Variants in RAB31 observed in about 807,000 individuals in gnomAD.
RAB31 encodes RAB31, member RAS oncogene family, also known as ras-related protein Rab-31.
Under a neutral mutation model 25.6 loss-of-function variants are expected in RAB31, and 21 were observed. That is an observed-to-expected ratio of 0.82 (90% CI 0.58 to 1.18). The LOEUF (loss-of-function observed/expected upper bound fraction) is 1.18. Ranked by LOEUF, RAB31 falls within the 50% of genes most tolerant of loss-of-function variation. The pLI, the probability that RAB31 is intolerant of heterozygous loss-of-function variation, is 0.00. For synonymous variants in RAB31, 87 were observed against 84.0 expected, an observed-to-expected ratio of 1.04 and a Z score of -0.20; for missense variants, 196 against 250.1, an observed-to-expected ratio of 0.78 and a Z score of 1.46.
At chr18:9,823,963 G>T (rs902305112) in intron 5 of RAB31, among the ~76,000 whole-genome samples, 2 of 152,194 alleles carry the variant, frequency 1.3e-5, no homozygotes, top group African/African-American at 4.8e-5. Flanking sequence ...ACGTTTCTAT[G>T]GTGGGGGAAT....
intron 5 of RAB31, among the ~76,000 whole-genome samples, chr18:9,819,811 T>C (rs888035885): frequency 6.6e-6 from 1 of 152,094 alleles, no homozygotes; most frequent in Non-Finnish European, 1.5e-5. Flanking sequence ...CTGTATTTGA[T>C]TTTTTTGATG....
intron 1 of RAB31, among the ~76,000 whole-genome samples, chr18:9,713,485 C>T (rs930809102): frequency 2.0e-5 from 3 of 152,162 alleles, no homozygotes; most frequent in African/African-American, 7.2e-5. Flanking sequence ...CAGTGCCTGG[C>T]ATATGGTAAC....
chr18:9,793,770 T>C (rs960065726), intron 3 of RAB31, among the ~76,000 whole-genome samples: 3 of 152,206 alleles, frequency 2.0e-5, no homozygotes, highest in Admixed American at 6.5e-5. Flanking sequence ...AGTTGATGAC[T>C]ATGGAGTAAA....
chr18:9,756,409 T>C lies in RAB31; in HGVS notation c.40-18869T>C, dbSNP rs143876497. The stretch of plus-strand genomic sequence containing the variant: ...TGACTGCTTGCTCTTCTCTGTACAG[T>C]TTGCAAGTGTGCATATATCTCATTT... On this transcript the variant is annotated intron_variant, in intron 1 of 6. Coordinates refer to ENST00000578921, the MANE Select transcript of RAB31 (RefSeq NM_006868.4). Among the ~76,000 whole-genome samples the C allele has an allele frequency of 2.7e-3, 417 of 152,322 alleles. 3 individuals carry two copies. Among genetic ancestry groups the C allele is most frequent in the African/African-American group, 9.5e-3 (395 of 41,562 alleles).
intron 1 of RAB31, among the ~76,000 whole-genome samples, chr18:9,727,620 A>G (rs1365820761): frequency 6.6e-6 from 1 of 152,210 alleles, no homozygotes; most frequent in Non-Finnish European, 1.5e-5. Flanking sequence ...CCGGCCTGAG[A>G]AGCATGTTAA....
At chr18:9,841,529 A>C (rs1162309326) in intron 5 of RAB31, among the ~76,000 whole-genome samples, 4 of 111,514 alleles carry the variant, frequency 3.6e-5, no homozygotes, top group Non-Finnish European at 1.8e-5. Flanking sequence ...ATAGAGTGAG[A>C]CTCTGTCTCA....
At chr18:9,773,008 T>C (rs1437649971) in intron 1 of RAB31, among the ~76,000 whole-genome samples, 1 of 152,200 alleles carries the variant, frequency 6.6e-6, no homozygotes, top group East Asian at 1.9e-4. Context: ...CAGGAGCTGA[T>C]GTTTTGATTC....
intron 5 of RAB31, among the ~76,000 whole-genome samples, chr18:9,824,385 TGTGTGTGTAGATGTATGTGTATATGA>T (rs879276343): frequency 0.04 from 6,091 of 151,390 alleles, 168 homozygotes; most frequent in African/African-American, 0.089. Context: ...GATGTGTATG[TGTGTGTGTAGATGTATGTGTATATGA>T]GTGTGTGTAG....
At chr18:9,836,263 G>A (rs2143117131) in intron 5 of RAB31, among the ~76,000 whole-genome samples, 1 of 152,150 alleles carries the variant, frequency 6.6e-6, no homozygotes, top group African/African-American at 2.4e-5. Flanking sequence ...CCAGGAGTCT[G>A]GCAGAATATA....
intron 3 of RAB31, among the ~76,000 whole-genome samples, chr18:9,795,729 T>C (rs1196693385): frequency 6.6e-6 from 1 of 152,120 alleles, no homozygotes; most frequent in African/African-American, 2.4e-5. Flanking sequence ...AAAATCAAAA[T>C]ATAATAGATG....
chr18:9,816,981 G>A (rs1193599004), intron 5 of RAB31, among the ~76,000 whole-genome samples: 5 of 152,146 alleles, frequency 3.3e-5, no homozygotes, highest in African/African-American at 1.2e-4. Context: ...GATTTCAAAA[G>A]TTTGCATCAA....
intron 3 of RAB31, among the ~76,000 whole-genome samples, chr18:9,793,195 T>A (rs2068469998): frequency 6.6e-6 from 1 of 151,814 alleles, no homozygotes; most frequent in Non-Finnish European, 1.5e-5. Context: ...TGCCTCAGCT[T>A]CCTGAGTAGC....
chr18:9,739,634 T>C (rs561013226), intron 1 of RAB31, among the ~76,000 whole-genome samples: 3 of 152,246 alleles, frequency 2.0e-5, no homozygotes, highest in African/African-American at 7.2e-5. Flanking sequence ...AGATACACTG[T>C]ATTGATGAGG....
At chr18:9,823,272 A>G (rs1181074622) in intron 5 of RAB31, among the ~76,000 whole-genome samples, 1 of 151,994 alleles carries the variant, frequency 6.6e-6, no homozygotes, top group Non-Finnish European at 1.5e-5. Flanking sequence ...CGGGGAGGAA[A>G]GTGGGCATGG....
chr18:9,740,155 G>A (rs542452225), intron 1 of RAB31, among the ~76,000 whole-genome samples: 16 of 152,272 alleles, frequency 1.1e-4, no homozygotes, highest in Non-Finnish European at 1.6e-4. Context: ...CTGACATTCC[G>A]ATTCACTGGT....
chr18:9,841,106 A>G (rs1226729281), intron 5 of RAB31, among the ~76,000 whole-genome samples: 4 of 151,912 alleles, frequency 2.6e-5, no homozygotes, highest in East Asian at 3.9e-4. Context: ...AATTTTTCCT[A>G]TTTTTTGTAG....
intron 2 of RAB31, among the ~76,000 whole-genome samples, chr18:9,782,275 C>A (rs939284080): frequency 1.3e-5 from 2 of 152,226 alleles, no homozygotes; most frequent in Non-Finnish European, 1.5e-5. Context: ...ACCCCCAGGC[C>A]CAGGGCGGTT....
At chr18:9,720,411 G>A (rs1335488625) in intron 1 of RAB31, among the ~76,000 whole-genome samples, 1 of 152,172 alleles carries the variant, frequency 6.6e-6, no homozygotes, top group Non-Finnish European at 1.5e-5. Flanking sequence ...GTGGGATATC[G>A]CCAGATGCTT....
intron 1 of RAB31, among the ~76,000 whole-genome samples, chr18:9,764,711 C>T (rs1330231342): frequency 1.3e-5 from 2 of 152,024 alleles, no homozygotes; most frequent in Non-Finnish European, 2.9e-5. Context: ...TTTTTTGTAT[C>T]TTAAATGTGG....
Sources: allele counts gnomAD v4.1 joint callset (sites outside exome capture counted in the v4.1 genomes callset), GRCh38; gene constraint gnomAD v4.1.1; transcripts MANE v1.5; gene names NCBI Gene and HGNC (gene_info 2026-07-23, HGNC 2026-07-21).